The following ME3 variants were observed in gnomAD, a reference collection of about 807,000 sequenced individuals.
ME3 encodes the protein NADP-dependent malic enzyme, mitochondrial.
In ME3, 48 loss-of-function variants were observed where a neutral mutation model predicts 68.9. The ratio of observed to expected loss-of-function variants is 0.70; its 90% CI spans 0.55 to 0.89. The LOEUF is 0.89. Ranked by LOEUF, ME3 falls within the 40% of genes least tolerant of loss-of-function variation. ME3 has a pLI of 0.00. For synonymous variants in ME3, 320 were observed against 318.8 expected (o/e 1.00, Z -0.04); for missense variants, 675 against 797.4 (o/e 0.85, Z 1.85).
At chr11:86,550,685 T>C (rs893140018) in intron 4 of ME3, among the ~76,000 whole-genome samples, 1 of 152,148 alleles carries the variant, frequency 6.6e-6, no homozygotes, top group African/African-American at 2.4e-5. Context: ...TAGTCCTTGC[T>C]TTCTGCTTGC....
chr11:86,465,271 A>G, intron 7 of ME3, 71 bp from the exon 8 acceptor site: 1 of 1,193,524 alleles, frequency 8.4e-7, no homozygotes, highest in East Asian at 2.4e-5. Context: ...CCCAGCTTGC[A>G]CAGTGGGGTG....
intron 6 of ME3, among the ~76,000 whole-genome samples, chr11:86,495,222 G>A (rs950933984): frequency 1.3e-5 from 2 of 152,168 alleles, no homozygotes; most frequent in Non-Finnish European, 2.9e-5. Context: ...GTAAAAAAGA[G>A]GGTAATGATA....
chr11:86,529,778 G>A (rs1025434552), intron 4 of ME3, among the ~76,000 whole-genome samples: 3 of 152,160 alleles, frequency 2.0e-5, no homozygotes, highest in African/African-American at 7.2e-5. Flanking sequence ...CTCAATAGAT[G>A]CAGAAAAATT....
At chr11:86,579,684 CTCTA>C (rs1319472752) in intron 2 of ME3, among the ~76,000 whole-genome samples, 1 of 152,196 alleles carries the variant, frequency 6.6e-6, no homozygotes. Context: ...CTCCTTTAAT[CTCTA>C]TCCTCAATCC....
At chr11:86,507,637 G>A (rs1953182769) in intron 5 of ME3, among the ~76,000 whole-genome samples, 1 of 152,116 alleles carries the variant, frequency 6.6e-6, no homozygotes, top group African/African-American at 2.4e-5. Flanking sequence ...AGGAGATCTG[G>A]GGATTTAGCC....
intron 3 of ME3, among the ~76,000 whole-genome samples, chr11:86,557,856 T>A (rs1345757139): frequency 6.6e-6 from 1 of 152,150 alleles, no homozygotes; most frequent in African/African-American, 2.4e-5. Flanking sequence ...GTATTTACAC[T>A]ATGGAATCCG....
intron 2 of ME3, among the ~76,000 whole-genome samples, chr11:86,620,465 T>C (rs1438941752): frequency 2.0e-5 from 3 of 152,238 alleles, no homozygotes; most frequent in African/African-American, 4.8e-5. Flanking sequence ...TTCTAATATG[T>C]TGTATACTGG....
At chr11:86,521,431 AAATAAT>A (rs1555221578) in intron 4 of ME3, among the ~76,000 whole-genome samples, 22 of 145,996 alleles carry the variant, frequency 1.5e-4, no homozygotes, top group Non-Finnish European at 2.5e-4. Context: ...AACAAAACAA[AAATAAT>A]AATAATAATA....
rs1952939691 is a variant in ME3, at chr11:86,504,554, C to A, written c.543+4238G>T. On this transcript the variant is annotated intron_variant, in intron 5 of 14. Coordinates refer to ENST00000543262, the Ensembl canonical transcript of ME3. ...GACTACAGGTGTGTGCCACCACACCCAACTAATATTTGTATTTTTAGAAGA... is the reference window on the plus strand; with the variant it reads ...GACTACAGGTGTGTGCCACCACACCAAACTAATATTTGTATTTTTAGAAGA... Among the ~76,000 whole-genome samples, 5 of 151,910 alleles carry A rather than the reference C, an allele frequency of 3.3e-5. No homozygotes were observed. The Middle Eastern group carries it at 0.01, about 312-fold the overall frequency.
At chr11:86,584,553 C>T (rs1031878505) in intron 2 of ME3, among the ~76,000 whole-genome samples, 1 of 152,080 alleles carries the variant, frequency 6.6e-6, no homozygotes, top group Non-Finnish European at 1.5e-5. Flanking sequence ...TCTAAATGTC[C>T]CTTGACAGAT....
At chr11:86,535,530 A>G (rs1391802477) in intron 4 of ME3, among the ~76,000 whole-genome samples, 3 of 152,270 alleles carry the variant, frequency 2.0e-5, no homozygotes, top group East Asian at 1.9e-4. Context: ...GGATAAAGTT[A>G]CTTTGCAAAT....
chr11:86,655,950 A>G (rs960637231), intron 2 of ME3, among the ~76,000 whole-genome samples: 2 of 152,018 alleles, frequency 1.3e-5, no homozygotes, highest in South Asian at 2.1e-4. Context: ...ACATGAACAG[A>G]CACTTCTCAA....
At chr11:86,601,148 A>G (rs1450871763) in intron 2 of ME3, among the ~76,000 whole-genome samples, 1 of 151,642 alleles carries the variant, frequency 6.6e-6, no homozygotes, top group Non-Finnish European at 1.5e-5. Context: ...CCTTCAAAAA[A>G]TTAATGAATC....
chr11:86,563,574 A>G (rs1242054844), intron 2 of ME3, among the ~76,000 whole-genome samples: 1 of 152,054 alleles, frequency 6.6e-6, no homozygotes, highest in East Asian at 1.9e-4. Flanking sequence ...GGATTTTTTT[A>G]TAGTTTGATG....
chr11:86,573,357 G>A (rs1162898305), intron 2 of ME3, among the ~76,000 whole-genome samples: 1 of 151,392 alleles, frequency 6.6e-6, no homozygotes, highest in African/African-American at 2.4e-5. Flanking sequence ...CTTTGCCCAT[G>A]CCTATGTCCT....
At chr11:86,546,623 C>T (rs1362648964) in intron 4 of ME3, among the ~76,000 whole-genome samples, 2 of 152,206 alleles carry the variant, frequency 1.3e-5, no homozygotes, top group East Asian at 1.9e-4. Flanking sequence ...GAGATACCAT[C>T]TCATGCCAGT....
intron 2 of ME3, among the ~76,000 whole-genome samples, chr11:86,584,339 A>G (rs1958614389): frequency 2.0e-5 from 3 of 152,238 alleles, no homozygotes; most frequent in Non-Finnish European, 4.4e-5. Flanking sequence ...GGCTATGGAA[A>G]AAATGGAACC....
chr11:86,449,288 G>C (rs1351187852), intron 10 of ME3, among the ~76,000 whole-genome samples: 2 of 152,342 alleles, frequency 1.3e-5, no homozygotes, highest in Non-Finnish European at 2.9e-5. Flanking sequence ...CTGGAAGCTG[G>C]ACTGTTTCTC....
chr11:86,611,605 T>TG (rs59161522), intron 2 of ME3, among the ~76,000 whole-genome samples: 106 of 129,522 alleles, frequency 8.2e-4, no homozygotes, highest in African/African-American at 2.4e-3. Context: ...CTCAATAAAG[T>TG]GGGGGGGGGG....
Sources: gnomAD v4.1 joint callset for allele counts (sites outside exome capture counted in the v4.1 genomes callset) on GRCh38, gnomAD v4.1.1 for gene constraint, MANE v1.5 for transcripts, NCBI Gene and HGNC (gene_info 2026-07-23, HGNC 2026-07-21) for gene names.